NCBP3: variants seen among roughly 807,000 people sequenced by gnomAD.
NCBP3 encodes the protein nuclear cap-binding protein subunit 3.
NCBP3 carries 20 observed loss-of-function variants against 75.7 expected under a neutral mutation model. That is an observed-to-expected ratio of 0.26 (90% CI 0.19 to 0.38). NCBP3 has a LOEUF of 0.38. Among genes scored for constraint, NCBP3 ranks in the 10% least tolerant of loss-of-function variants. The pLI, the probability that NCBP3 is intolerant of heterozygous loss-of-function variation, is 1.00. For synonymous variants in NCBP3, 293 were observed against 290.5 expected (o/e 1.01, Z -0.09); for missense variants, 678 against 796.9 (o/e 0.85, Z 1.80).
intron 12 of NCBP3, 78 bp downstream of exon 12, chr17:3,814,244 G>GA: frequency 1.4e-6 from 2 of 1,464,148 alleles, no homozygotes; most frequent in South Asian, 2.5e-5. Flanking sequence ...CTTCTGCTAA[G>GA]AAAGTATTTC....
At chr17:3,823,719 A>G (rs1192752835) in intron 7 of NCBP3, 1 of 152,180 alleles carries the variant, frequency 6.6e-6, no homozygotes, top group Non-Finnish European at 1.5e-5. Flanking sequence ...CACTGTAACC[A>G]GCCAGCCCAC....
Position 3,846,019 on chromosome 17 carries a change from AC to A in NCBP3, c.183+21del. 2 of 1,532,268 alleles carry A rather than the reference AC, an allele frequency of 1.3e-6. No individual in the cohort carries two copies. Among genetic ancestry groups the A allele is most frequent in the African/African-American group, 1.4e-5 (1 of 69,932 alleles). The allele number at this position is 1,532,268 out of a possible 1,614,324, so 94.9% of individuals were successfully genotyped here. On this transcript the variant is annotated intron_variant, in intron 1 of 12. Transcript: ENST00000389005. The surrounding 1 kb of genome is among the most constrained non-coding windows in gnomAD (Gnocchi z 4.6). The stretch of plus-strand genomic sequence containing the variant: ...ACACTAGCCCCGCGACCTCTTCCTT[AC>A]CCCCCGACCCCCGCCCGTACCGGGA...
Position 3,812,708 on chromosome 17 carries a change from C to T in NCBP3, c.*336G>A. 1 of 1,103,246 alleles carries T rather than the reference C, an allele frequency of 9.1e-7. No individual in the cohort carries two copies. The highest frequency in any genetic ancestry group is 7.1e-5 in the East Asian group (1 of 14,066). 68.3% of individuals were successfully genotyped at this position (1,103,246 alleles called of 1,614,324 possible). On this transcript the variant is annotated 3_prime_UTR_variant, in exon 13 of 13. Transcript: ENST00000389005. ...TTCAGTTCTCTGCTCTTTGGATGAA[C>T]TGTGTAAAACATTTCTTTTAAAAGA...
rs965484900 is a variant in NCBP3 at position 3,804,242 on chromosome 17, G to C, written c.*8802C>G. ...CATGGATGGAGGAGACGTGCTCGGC[G>C]TGAGGTGAAAGGGCTGCCTGTGGGT... On this transcript the variant is annotated 3_prime_UTR_variant, in exon 13 of 13. Transcript: ENST00000389005. 6.6e-6 allele frequency: 1 copy of C among 151,832 alleles called. No individual in the cohort carries two copies. The highest frequency in any genetic ancestry group is 2.4e-5 in the African/African-American group (1 of 41,336). 9.4% of individuals were successfully genotyped at this position (151,832 alleles called of 1,614,324 possible). A position where few individuals can be genotyped will look rare whatever the true frequency, so the allele number is the denominator to read the frequency against.
At chr17:3,840,557 A>G (rs1254611771) in intron 2 of NCBP3, among the ~76,000 whole-genome samples, 1 of 152,218 alleles carries the variant, frequency 6.6e-6, no homozygotes, top group Non-Finnish European at 1.5e-5. Context: ...TTACAACTAA[A>G]CAATTTCAAC....
chr17:3,822,230 G>C, intron 7 of NCBP3, 178 bp from the exon 8 acceptor site: 1 of 538,834 alleles, frequency 1.9e-6, no homozygotes, highest in Admixed American at 3.5e-5. Context: ...CAGTGTAGAG[G>C]GGATAAAGCA....
rs762406579 is a variant in NCBP3, at chr17:3,821,297, G to A, written c.952C>T (p.Leu318=). The change falls in exon 9 of 13, where the codon CTG becomes TTG. Residue 318 remains leucine (L), a synonymous_variant. Transcript: ENST00000389005. ...GTCAAGCCAACGTCATCCCCAATCA[G>A]GGCTCTCTTCTTGATCACGTCCCGC... ...IQRDVIKKRA[L]IGDDVGLTSY... is the part of the protein sequence containing the mutation. 4.3e-6 allele frequency: 7 copies of A among 1,614,068 alleles called. No individual in the cohort carries two copies. The highest frequency in any genetic ancestry group is 1.6e-4 in the Middle Eastern group (1 of 6,062).
chr17:3,820,449 T>G (rs2053639982), intron 9 of NCBP3, among the ~76,000 whole-genome samples: 1 of 152,094 alleles, frequency 6.6e-6, no homozygotes, highest in South Asian at 2.1e-4. Flanking sequence ...CAATTCTTTA[T>G]AAAACATAAA....
chr17:3,813,314 C>A, intron 12 of NCBP3, 35 bp from the exon 13 acceptor site: 2 of 1,610,492 alleles, frequency 1.2e-6, no homozygotes, highest in South Asian at 2.2e-5. Context: ...CTTTCGCAGT[C>A]AGCGCTAAGA....
intron 11 of NCBP3, 112 bp downstream of exon 11, chr17:3,816,004 A>C: frequency 1.0e-6 from 1 of 994,224 alleles, no homozygotes; most frequent in Non-Finnish European, 1.4e-6. Flanking sequence ...ATGATGAACC[A>C]GGACAGCTAA....
chr17:3,840,721 CCTATCACGCT>C (rs1471305246), intron 2 of NCBP3, among the ~76,000 whole-genome samples: 2 of 152,128 alleles, frequency 1.3e-5, no homozygotes, highest in African/African-American at 4.8e-5. Flanking sequence ...GGTAATCACA[CCTATCACGCT>C]CTTCCACATT....
Position 3,818,344 on chromosome 17 carries a change from A to T in NCBP3, c.1229T>A (p.Met410Lys). Residue 410 changes from methionine to lysine, a missense_variant, in exon 10 of 13, where the codon ATG becomes AAG. Around this residue, in one of 7 missense-constraint regions of NCBP3, gnomAD observed 365 missense variants for 392.7 expected, o/e 0.93. Coordinates refer to ENST00000389005, the MANE Select transcript of NCBP3 (RefSeq NM_001114118.3). This position sits in a 1 kb window ranked among gnomAD's most constrained non-coding sequence, Gnocchi z 4.7. ...TTTCTTTGGTGAAGGCGTGGAAATC[A>T]TTTTCAGTTCTAGATCATAGTCCAT... ...DEMDYDLELK[M>K]ISTPSPKKSM... 6.2e-7 allele frequency: 1 copy of T among 1,614,114 alleles called. No individual in the cohort carries two copies. The highest frequency in any genetic ancestry group is 1.1e-5 in the South Asian group (1 of 91,078).
Position 3,819,285 on chromosome 17 carries a change from C to T in NCBP3, c.1001-713G>A, listed in dbSNP as rs148428283. Among the ~76,000 whole-genome samples, 242 of 152,182 alleles carry T rather than the reference C, an allele frequency of 1.6e-3. 2 individuals are homozygous for T. The highest frequency in any genetic ancestry group is 1.4e-3 in the Non-Finnish European group (95 of 67,998). On this transcript the variant is annotated intron_variant, in intron 9 of 12. Coordinates refer to ENST00000389005, the MANE Select transcript of NCBP3 (RefSeq NM_001114118.3). ...TAAAGAGAAACATATGGGCCCAGCGCGGTGGCTCACGCCTGTAATCCCAGC... is the reference window on the plus strand; with the variant it reads ...TAAAGAGAAACATATGGGCCCAGCGTGGTGGCTCACGCCTGTAATCCCAGC...
chr17:3,822,253 G>T (rs974948401), intron 7 of NCBP3: 3 of 476,568 alleles, frequency 6.3e-6, no homozygotes, highest in Non-Finnish European at 1.1e-5. Flanking sequence ...ATACAGAGAC[G>T]AATGAGGTTA....
chr17:3,836,459 C>G (rs1036693015), intron 3 of NCBP3, among the ~76,000 whole-genome samples: 3 of 151,884 alleles, frequency 2.0e-5, no homozygotes, highest in Non-Finnish European at 4.4e-5. Flanking sequence ...TCAAGACCAG[C>G]CTGGCTAACA....
At chr17:3,835,097 G>A (rs1028821415) in intron 3 of NCBP3, among the ~76,000 whole-genome samples, 1 of 152,336 alleles carries the variant, frequency 6.6e-6, no homozygotes, top group Non-Finnish European at 1.5e-5. Context: ...AAGAAGCTGA[G>A]GAGTAGAGCT....
intron 11 of NCBP3, among the ~76,000 whole-genome samples, chr17:3,815,125 A>G (rs976565171): frequency 3.3e-5 from 5 of 152,138 alleles, no homozygotes; most frequent in African/African-American, 1.2e-4. Context: ...GTCTTCCTTC[A>G]CAAGACTATC....
Position 3,822,064 on chromosome 17 carries a change from T to A in NCBP3, c.797-12A>T. 1 of 1,532,386 alleles carries A rather than the reference T, an allele frequency of 6.5e-7. No individual in the cohort carries two copies. The highest frequency in any genetic ancestry group is 1.1e-5 in the South Asian group (1 of 87,636). The allele number at this position is 1,532,386 out of a possible 1,614,324, so 94.9% of individuals were successfully genotyped here. On this transcript the variant is annotated splice_polypyrimidine_tract_variant and intron_variant, in intron 7 of 12. Coordinates refer to ENST00000389005, the MANE Select transcript of NCBP3 (RefSeq NM_001114118.3). ...TTCCTTTTTGTCATCTAAAAATTAA[T>A]GACAATAGTTACCTAGGATTTCCTG...
At position 3,813,048 on chromosome 17, in the gene NCBP3, G is replaced by T; in HGVS notation, c.1859C>A (p.Ser620Tyr). The T allele has an allele frequency of 6.2e-7, 1 of 1,614,156 alleles. No individual in the cohort carries two copies. The highest frequency in any genetic ancestry group is 8.5e-7 in the Non-Finnish European group (1 of 1,180,022). ...RESSSGSEAE[S>Y] is the part of the protein sequence containing the mutation. ...CTGCCATAGGCCCCAGGGGCATCAG[G>T]ACTCTGCCTCTGAACCAGAGCTGCT... Residue 620 changes from serine to tyrosine, a missense_variant, in exon 13 of 13, where the codon TCC (serine) becomes TAC (tyrosine). Transcript: ENST00000389005.
Sources: gnomAD v4.1 joint callset for allele counts (sites outside exome capture counted in the v4.1 genomes callset) on GRCh38, gnomAD v4.1.1 for gene constraint, gnomAD v4.1.1 regional missense constraint, Gnocchi (gnomAD v3.1) non-coding constraint, MANE v1.5 for transcripts, NCBI Gene and HGNC (gene_info 2026-07-23, HGNC 2026-07-21) for gene names.